Variants in GALNT9 observed in about 807,000 individuals in gnomAD.
GALNT9 encodes polypeptide N-acetylgalactosaminyltransferase 9.
Under a neutral mutation model 63.1 loss-of-function variants are expected in GALNT9, and 47 were observed. That is an observed-to-expected ratio of 0.75 (90% CI 0.59 to 0.95). The LOEUF (loss-of-function observed/expected upper bound fraction) is 0.95, where lower values mean the gene tolerates loss of function less well. GALNT9 is among the 40% of genes least tolerant of loss of function. The probability of loss-of-function intolerance (pLI) is 0.00; values close to 1 mark genes in which losing one functional copy is unlikely to be tolerated. For missense variants in GALNT9, 829 were observed against 874.8 expected (o/e 0.95, Z 0.66); for synonymous variants, 396 against 365.7 (o/e 1.08, Z -0.94).
intron 6 of GALNT9, among the ~76,000 whole-genome samples, chr12:132,210,837 GTCTGGAGGTCGCCGTCTGGCGGTTGCCA>G (rs1354751154): frequency 2.3e-4 from 34 of 147,250 alleles, no homozygotes; most frequent in African/African-American, 6.9e-4. Context: ...GGAGGTCGCC[GTCTGGAGGTCGCCGTCTGGCGGTTGCCA>G]TCTGGAGGTC....
chr12:132,207,662 CATCATT>C, intron 6 of GALNT9, among the ~76,000 whole-genome samples: 1 of 152,184 alleles, frequency 6.6e-6, no homozygotes, highest in Admixed American at 6.5e-5. Context: ...GGCCAACTTC[CATCATT>C]AGCTGAGGAC....
intron 2 of GALNT9, chr12:132,275,920 C>A (rs1555241153): frequency 6.6e-6 from 1 of 152,620 alleles, no homozygotes; most frequent in Admixed American, 6.5e-5. Flanking sequence ...TCCCAGGCCA[C>A]CCGCACAGTG....
In GALNT9 at chr12:132,247,752, G is replaced by A. The variant is rs1384538708; in HGVS notation, c.1077+158C>T. 38 of 1,228,634 alleles carry A rather than the reference G, an allele frequency of 3.1e-5. No individual in the cohort carries two copies. In the Admixed American group the frequency reaches 5.7e-4, roughly 18 times the overall value. 76.1% of individuals were successfully genotyped at this position (1,228,634 alleles called of 1,614,324 possible). ...CGCCCTCACCCCGTCCCCAGATGCC[G>A]TGGCCGCACTCGCCCTCACCCCATC... On this transcript the variant is annotated intron_variant, in intron 6 of 10. Coordinates refer to ENST00000328957, the MANE Select transcript of GALNT9 (RefSeq NM_001122636.2).
chr12:132,289,216 G>A (rs1194593044), intron 1 of GALNT9, among the ~76,000 whole-genome samples: 1 of 152,194 alleles, frequency 6.6e-6, no homozygotes, highest in African/African-American at 2.4e-5. Context: ...CCTGTTAAGT[G>A]AACGTTTCCC....
At chr12:132,201,377 C>A (rs1413019797) in intron 7 of GALNT9, 116 bp from the exon 8 acceptor site, 8 of 662,736 alleles carry the variant, frequency 1.2e-5, no homozygotes, top group African/African-American at 1.8e-5. Context: ...CAGCCTCCCC[C>A]CCAGTATTCA....
At chr12:132,306,503 G>A (rs1364327763) in intron 1 of GALNT9, among the ~76,000 whole-genome samples, 1 of 152,224 alleles carries the variant, frequency 6.6e-6, no homozygotes, top group Non-Finnish European at 1.5e-5. Context: ...TCTAGACTGT[G>A]GGCAACAAGT....
intron 6 of GALNT9, among the ~76,000 whole-genome samples, chr12:132,210,097 A>T (rs1165226712): frequency 1.3e-5 from 2 of 152,204 alleles, no homozygotes; most frequent in Admixed American, 1.3e-4. Context: ...AGGGGCCGTC[A>T]CTAACTGCAG....
intron 1 of GALNT9, among the ~76,000 whole-genome samples, chr12:132,304,449 TCGCCCGGGCACAGCCTCGCCC>T (rs1881477659): frequency 1.7e-5 from 1 of 57,836 alleles, no homozygotes; most frequent in Non-Finnish European, 3.3e-5. Context: ...GGGCACACCC[TCGCCCGGGCACAGCCTCGCCC>T]GGGCACACGC....
intron 5 of GALNT9, among the ~76,000 whole-genome samples, chr12:132,255,102 C>A (rs1419493741): frequency 6.6e-6 from 1 of 152,152 alleles, no homozygotes. Flanking sequence ...TGAATGGAGC[C>A]GCTTCTCAAC....
intron 2 of GALNT9, among the ~76,000 whole-genome samples, chr12:132,267,766 T>TGCACTCAAACAC (rs1879666148): frequency 7.2e-6 from 1 of 139,814 alleles, no homozygotes; most frequent in African/African-American, 3.1e-5. Context: ...CACACACACA[T>TGCACTCAAACAC]GCACTCACAC....
chr12:132,329,263 T>A lies in GALNT9; in HGVS notation c.-60A>T, dbSNP rs1869192515. 1 of 1,507,112 alleles carries A rather than the reference T, an allele frequency of 6.6e-7. No homozygotes were observed. Among genetic ancestry groups the A allele is most frequent in the Non-Finnish European group, 8.9e-7 (1 of 1,123,126 alleles). 93.4% of individuals were successfully genotyped at this position (1,507,112 alleles called of 1,614,324 possible). A position where few individuals can be genotyped will look rare whatever the true frequency, so the allele number is the denominator to read the frequency against. ...CATCCCCAGCATCCCCGCCCGGGCC[T>A]GGGCTTCAGCTTCGGCTTCGGGGAC... On this transcript the variant is annotated 5_prime_UTR_variant, in exon 1 of 11. Transcript: ENST00000328957.
In GALNT9 at chr12:132,260,997, C is replaced by T. The variant is rs1400368687; in HGVS notation, c.712G>A (p.Ala238Thr). 11 of 1,548,756 alleles carry T rather than the reference C, an allele frequency of 7.1e-6. No homozygotes were observed. The highest frequency in any genetic ancestry group is 1.4e-5 in the African/African-American group (1 of 72,906). Residue 238 changes from alanine (A) to threonine (T), a missense_variant, in exon 4 of 11, where the codon GCC becomes ACC. Physicochemically the swap from Ala to Thr is moderately conservative, Grantham distance 58 (BLOSUM62 0). Coordinates refer to ENST00000328957, the MANE Select transcript of GALNT9 (RefSeq NM_001122636.2). Reference protein sequence around the residue: ...ARLQGWKAATAPVVGFFDAHV... With the variant: ...ARLQGWKAATTPVVGFFDAHV... ...GCATCAAAGAAGCCGACGACTGGGG[C>T]GGTGGCCGCCTTCCAGCCCTGCAGC... is the stretch of plus-strand genomic sequence containing the variant.
intron 6 of GALNT9, among the ~76,000 whole-genome samples, chr12:132,239,350 T>A (rs2136896852): frequency 0.014 from 502 of 36,874 alleles, no homozygotes; most frequent in Middle Eastern, 0.038. Flanking sequence ...AGAGACAGAG[T>A]CAGAGACAGA....
chr12:132,320,256 G>A (rs191295535), intron 1 of GALNT9, among the ~76,000 whole-genome samples: 3 of 152,264 alleles, frequency 2.0e-5, no homozygotes, highest in Admixed American at 1.3e-4. Context: ...GGCACAGAAC[G>A]CCCGGGGAGG....
intron 4 of GALNT9, 133 bp from the exon 5 acceptor site, chr12:132,258,019 A>C (rs1879206510): frequency 1.5e-6 from 1 of 656,844 alleles, no homozygotes; most frequent in African/African-American, 1.8e-5. Context: ...CTGCTGAGCT[A>C]GACCCACATC....
chr12:132,213,040 C>T (rs571847203), intron 6 of GALNT9, among the ~76,000 whole-genome samples: 1 of 127,394 alleles, frequency 7.8e-6, no homozygotes, highest in African/African-American at 3.0e-5. Flanking sequence ...CTTGAGACCT[C>T]GACACGGAAA....
chr12:132,290,724 GTCCATAGCACCCACA>G (rs1880785418), intron 1 of GALNT9, among the ~76,000 whole-genome samples: 2 of 72,314 alleles, frequency 2.8e-5, no homozygotes, highest in South Asian at 5.3e-4. Context: ...CATCACCCAC[GTCCATAGCACCCACA>G]TCCACAGCAC....
rs1002531881 is a variant in GALNT9 at position 132,327,442 on chromosome 12, G to A, written c.238+1524C>T. On this transcript the variant is annotated intron_variant, in intron 1 of 10. Transcript: ENST00000328957. This position sits in a 1 kb window ranked among gnomAD's most constrained non-coding sequence, Gnocchi z 4.3. ...GGCAGGGAAAACGACTCACAGGGCCGAGCTGCCCTCGTGGTGTTACACAAC... is the reference window on the plus strand; with the variant it reads ...GGCAGGGAAAACGACTCACAGGGCCAAGCTGCCCTCGTGGTGTTACACAAC... Among the ~76,000 whole-genome samples, 10 of 151,924 alleles carry A rather than the reference G, an allele frequency of 6.6e-5. No homozygotes were observed. The highest frequency in any genetic ancestry group is 5.8e-4 in the East Asian group (3 of 5,164).
chr12:132,267,795 T>TCA (rs1555240327), intron 2 of GALNT9, among the ~76,000 whole-genome samples: 4 of 48,234 alleles, frequency 8.3e-5, no homozygotes, highest in African/African-American at 2.9e-4. Context: ...ACACACGCAC[T>TCA]CACACGCACT....
Sources: gnomAD v4.1 joint callset for allele counts (sites outside exome capture counted in the v4.1 genomes callset) on GRCh38, gnomAD v4.1.1 for gene constraint, Gnocchi (gnomAD v3.1) non-coding constraint, MANE v1.5 for transcripts, NCBI Gene and HGNC (gene_info 2026-07-23, HGNC 2026-07-21) for gene names.